Variants in TSPAN14 observed in about 807,000 individuals in gnomAD.
TSPAN14 encodes the protein tetraspanin-14.
In TSPAN14, 16 loss-of-function variants were observed where a neutral mutation model predicts 36.6. The observed-to-expected ratio is 0.44, with a 90% CI of 0.30 to 0.66. The LOEUF is 0.66. Ranked by LOEUF, TSPAN14 falls within the 30% of genes least tolerant of loss-of-function variation. The pLI, the probability that TSPAN14 is intolerant of heterozygous loss-of-function variation, is 0.12. For synonymous variants in TSPAN14, 139 were observed against 143.8 expected (o/e 0.97, Z 0.24); for missense variants, 231 against 355.1 (o/e 0.65, Z 2.81).
At chr10:80,486,404 G>A (rs942824140) in intron 1 of TSPAN14, among the ~76,000 whole-genome samples, 17 of 152,258 alleles carry the variant, frequency 1.1e-4, no homozygotes, top group South Asian at 2.1e-4. Context: ...CAAAGGCCCC[G>A]GGCAGGGGAG....
chr10:80,471,229 C>T, intron 1 of TSPAN14, among the ~76,000 whole-genome samples: 1 of 152,136 alleles, frequency 6.6e-6, no homozygotes, highest in Non-Finnish European at 1.5e-5. Context: ...GTGCCCTGAA[C>T]ATGTAGAAAC....
chr10:80,517,309 A>G (rs746537852), intron 8 of TSPAN14, among the ~76,000 whole-genome samples: 2 of 152,242 alleles, frequency 1.3e-5, no homozygotes, highest in Non-Finnish European at 2.9e-5. Flanking sequence ...GACTAGTCAA[A>G]TTAGAACCAC....
At chr10:80,482,265 A>C (rs1262209987) in intron 1 of TSPAN14, among the ~76,000 whole-genome samples, 1 of 152,212 alleles carries the variant, frequency 6.6e-6, no homozygotes, top group African/African-American at 2.4e-5. Flanking sequence ...ACGGCATGTG[A>C]TAAGGGGACA....
Position 80,509,623 on chromosome 10 carries a change from C to G in TSPAN14, c.450+152C>G, listed in dbSNP as rs1051780684. On this transcript the variant is annotated intron_variant, in intron 5 of 8. Coordinates refer to ENST00000429989, the Ensembl canonical transcript of TSPAN14. The surrounding 1 kb of genome is among the most constrained non-coding windows in gnomAD (Gnocchi z 4.7). ...GGCCGTGGAACAAGCCACTCCACCT[C>G]TGGTCTGTTCCACTTTGCCGGCTTG... 9.2e-6 allele frequency: 7 copies of G among 764,784 alleles called. No homozygotes were observed. The highest frequency in any genetic ancestry group is 7.1e-5 in the African/African-American group (4 of 56,718). 47.4% of individuals were successfully genotyped at this position (764,784 alleles called of 1,614,324 possible). A position where few individuals can be genotyped will look rare whatever the true frequency, so the allele number is the denominator to read the frequency against.
chr10:80,511,424 G>A (rs921624159), intron 5 of TSPAN14, among the ~76,000 whole-genome samples: 4 of 152,160 alleles, frequency 2.6e-5, no homozygotes, highest in Admixed American at 2.0e-4. Context: ...TTCTCTTGTG[G>A]CAAGTAGAGG....
chr10:80,507,050 G>C (rs1410740956), intron 3 of TSPAN14, 178 bp from the exon 4 acceptor site: 2 of 702,712 alleles, frequency 2.8e-6, no homozygotes, highest in Admixed American at 2.9e-5. Context: ...GGCAGGGATC[G>C]CCTGGTCGGA....
intron 3 of TSPAN14, among the ~76,000 whole-genome samples, chr10:80,505,990 A>C (rs1840273225): frequency 6.6e-6 from 1 of 152,194 alleles, no homozygotes; most frequent in African/African-American, 2.4e-5. Context: ...TATCCAGCCA[A>C]AGCCAGACAG....
chr10:80,497,333 T>C (rs1848252314), intron 2 of TSPAN14, among the ~76,000 whole-genome samples: 1 of 152,288 alleles, frequency 6.6e-6, no homozygotes, highest in African/African-American at 2.4e-5. Flanking sequence ...AGTGTGATAG[T>C]TTACAGCTGA....
In TSPAN14 at chr10:80,509,189, T is replaced by G. The variant is rs1840468070; in HGVS notation, c.280-112T>G. On this transcript the variant is annotated intron_variant, in intron 4 of 8. Coordinates refer to ENST00000429989, the Ensembl canonical transcript of TSPAN14. The surrounding 1 kb of genome is among the most constrained non-coding windows in gnomAD (Gnocchi z 4.7). ...GGGGCCCCGATGTGGGACTCTCAGG[T>G]GCAGAGCCCACGCTCTGCTGAGGAT... 7 of 1,180,914 alleles carry G rather than the reference T, an allele frequency of 5.9e-6. No homozygotes were observed. The highest frequency in any genetic ancestry group is 7.2e-6 in the Non-Finnish European group (6 of 836,828). 73.2% of individuals were successfully genotyped at this position (1,180,914 alleles called of 1,614,324 possible). A position where few individuals can be genotyped will look rare whatever the true frequency, so the allele number is the denominator to read the frequency against.
intron 1 of TSPAN14, among the ~76,000 whole-genome samples, chr10:80,486,855 A>G (rs567134871): frequency 2.0e-5 from 3 of 152,344 alleles, no homozygotes; most frequent in South Asian, 2.1e-4. Flanking sequence ...TCCTATATGC[A>G]TTAATCCAGA....
At chr10:80,486,269 A>C (rs960497005) in intron 1 of TSPAN14, among the ~76,000 whole-genome samples, 2 of 152,246 alleles carry the variant, frequency 1.3e-5, no homozygotes, top group Non-Finnish European at 2.9e-5. Context: ...CTTCCTGCCA[A>C]CTGCATCCCC....
At chr10:80,520,857 T>C (rs762465381) in exon 9 of TSPAN14, 1 of 528,894 alleles carries the variant, frequency 1.9e-6, no homozygotes, top group East Asian at 5.5e-5. Context: ...GAATGTCCTC[T>C]GCTTCTCTGC....
intron 1 of TSPAN14, among the ~76,000 whole-genome samples, chr10:80,470,545 G>C (rs772016413): frequency 1.3e-5 from 2 of 152,246 alleles, no homozygotes; most frequent in Non-Finnish European, 2.9e-5. Context: ...GAAACATAGA[G>C]AATGAGGAGT....
chr10:80,520,617 A>G (rs572825017), exon 9 of TSPAN14: 7 of 533,254 alleles, frequency 1.3e-5, no homozygotes, highest in African/African-American at 7.7e-5. Flanking sequence ...GATCTTGTCA[A>G]CGTTATTTTT....
chr10:80,455,471 G>A (rs1845694464), intron 1 of TSPAN14, among the ~76,000 whole-genome samples: 1 of 152,152 alleles, frequency 6.6e-6, no homozygotes, highest in African/African-American at 2.4e-5. Flanking sequence ...CTTCCGAGAG[G>A]GAGTTGCTCT....
At chr10:80,468,692 C>T (rs1403005149) in intron 1 of TSPAN14, 2 of 151,682 alleles carry the variant, frequency 1.3e-5, no homozygotes, top group African/African-American at 2.4e-5. Flanking sequence ...AACAAGGTAA[C>T]CCAAGTGATT....
intron 1 of TSPAN14, among the ~76,000 whole-genome samples, chr10:80,480,941 T>G (rs1400223214): frequency 6.6e-6 from 1 of 151,852 alleles, no homozygotes; most frequent in Non-Finnish European, 1.5e-5. Context: ...AATAATAAAA[T>G]AAAAGAATAT....
intron 2 of TSPAN14, among the ~76,000 whole-genome samples, chr10:80,496,801 G>A (rs765636750): frequency 2.7e-5 from 4 of 150,460 alleles, no homozygotes; most frequent in Admixed American, 6.6e-5. Context: ...ATTTCTAGTC[G>A]TTACATTTAG....
chr10:80,486,194 G>A (rs1847587229), intron 1 of TSPAN14, among the ~76,000 whole-genome samples: 1 of 152,246 alleles, frequency 6.6e-6, no homozygotes, highest in Non-Finnish European at 1.5e-5. Context: ...TGGGTGGAAG[G>A]TGAAGCAGCA....
Sources: allele counts gnomAD v4.1 joint callset (sites outside exome capture counted in the v4.1 genomes callset), GRCh38; gene constraint gnomAD v4.1.1; non-coding constraint Gnocchi (gnomAD v3.1); transcripts MANE v1.5; gene names NCBI Gene and HGNC (gene_info 2026-07-23, HGNC 2026-07-21).